The following PALS2 variants were observed in gnomAD, a reference collection of about 807,000 sequenced individuals.
The protein encoded by PALS2 is protein PALS2.
PALS2 carries 27 observed loss-of-function variants against 61.6 expected under a neutral mutation model. The ratio of observed to expected loss-of-function variants is 0.44; its 90% CI spans 0.32 to 0.60. The LOEUF (loss-of-function observed/expected upper bound fraction) is 0.60. Among genes scored for constraint, PALS2 ranks in the 20% least tolerant of loss-of-function variants. PALS2 has a pLI of 0.05. For missense variants in PALS2, 554 were observed against 639.4 expected (o/e 0.87, Z 1.44); for synonymous variants, 236 against 218.6 (o/e 1.08, Z -0.70).
intron 1 of PALS2, among the ~76,000 whole-genome samples, chr7:24,610,196 C>G (rs1394285332): frequency 6.6e-6 from 1 of 152,064 alleles, no homozygotes; most frequent in Non-Finnish European, 1.5e-5. Context: ...ATACCATTGT[C>G]ATTCCCCCAT....
chr7:24,582,470 GA>G (rs902711377), intron 1 of PALS2, among the ~76,000 whole-genome samples: 3 of 152,032 alleles, frequency 2.0e-5, no homozygotes, highest in Non-Finnish European at 4.4e-5. Flanking sequence ...ATAATCTATA[GA>G]ATATTACTAT....
intron 9 of PALS2, among the ~76,000 whole-genome samples, chr7:24,671,917 A>G (rs1787316968): frequency 6.6e-6 from 1 of 151,894 alleles, no homozygotes; most frequent in African/African-American, 2.4e-5. Context: ...TCCTTATGCC[A>G]GTCCCACATT....
chr7:24,582,935 A>C (rs1453355261), intron 1 of PALS2, among the ~76,000 whole-genome samples: 1 of 114,668 alleles, frequency 8.7e-6, no homozygotes, highest in Middle Eastern at 8.9e-3. Context: ...TCTGTCACCC[A>C]GGCTGCTAGA....
chr7:24,681,292 G>T (rs976784010), intron 11 of PALS2, among the ~76,000 whole-genome samples: 1 of 151,982 alleles, frequency 6.6e-6, no homozygotes, highest in Non-Finnish European at 1.5e-5. Flanking sequence ...TCCCTATGCC[G>T]ATCGCCTAGC....
At chr7:24,576,350 G>A (rs1359074531) in intron 1 of PALS2, among the ~76,000 whole-genome samples, 3 of 152,084 alleles carry the variant, frequency 2.0e-5, no homozygotes, top group Non-Finnish European at 4.4e-5. Context: ...TGACCACTGG[G>A]GGGAGACTTT....
intron 1 of PALS2, among the ~76,000 whole-genome samples, chr7:24,621,168 T>C (rs1784495295): frequency 6.6e-6 from 1 of 152,106 alleles, no homozygotes; most frequent in Non-Finnish European, 1.5e-5. Context: ...TCTTTCTTCA[T>C]GTTAATCCAA....
intron 1 of PALS2, among the ~76,000 whole-genome samples, chr7:24,591,569 T>G (rs1294164595): frequency 6.6e-6 from 1 of 152,138 alleles, no homozygotes; most frequent in Non-Finnish European, 1.5e-5. Context: ...AACCCACTAA[T>G]TTTGTGTTAG....
intron 2 of PALS2, among the ~76,000 whole-genome samples, chr7:24,629,361 G>A (rs189788488): frequency 5.9e-5 from 9 of 152,224 alleles, no homozygotes; most frequent in East Asian, 5.8e-4. Flanking sequence ...AGACTTAAAC[G>A]TAAGACCTAA....
chr7:24,680,099 A>G (rs558255445), intron 10 of PALS2, among the ~76,000 whole-genome samples: 12 of 152,174 alleles, frequency 7.9e-5, no homozygotes, highest in Non-Finnish European at 1.6e-4. Flanking sequence ...CTTTTTGAGT[A>G]TTAACAGAAT....
chr7:24,672,277 G>C (rs1336155909), intron 9 of PALS2, among the ~76,000 whole-genome samples: 3 of 151,714 alleles, frequency 2.0e-5, no homozygotes, highest in African/African-American at 4.8e-5. Flanking sequence ...GCCCAGGCTG[G>C]AGTGCAATGG....
intron 1 of PALS2, among the ~76,000 whole-genome samples, chr7:24,593,276 C>T (rs1384925260): frequency 6.6e-6 from 1 of 152,000 alleles, no homozygotes; most frequent in African/African-American, 2.4e-5. Flanking sequence ...ATTCTCATTC[C>T]CTTACTTTTT....
chr7:24,673,778 C>T (rs1392910594), intron 9 of PALS2, among the ~76,000 whole-genome samples: 2 of 151,824 alleles, frequency 1.3e-5, no homozygotes, highest in African/African-American at 4.8e-5. Flanking sequence ...TTTCTACTTT[C>T]TAATTTTTGC....
At chr7:24,662,768 GA>G (rs59367702) in intron 5 of PALS2, among the ~76,000 whole-genome samples, 100 of 102,584 alleles carry the variant, frequency 9.7e-4, no homozygotes, top group Middle Eastern at 5.8e-3. Flanking sequence ...GACTCCATCT[GA>G]AAAAAAAAAA....
At chr7:24,631,224 G>C (rs111951833) in intron 2 of PALS2, among the ~76,000 whole-genome samples, 5 of 152,316 alleles carry the variant, frequency 3.3e-5, no homozygotes, top group African/African-American at 1.2e-4. Flanking sequence ...GAGAAGTTGA[G>C]TCCAGCTCTC....
At chr7:24,639,632 A>C (rs1785413697) in intron 2 of PALS2, among the ~76,000 whole-genome samples, 1 of 151,748 alleles carries the variant, frequency 6.6e-6, no homozygotes, top group African/African-American at 2.4e-5. Flanking sequence ...TGGCAATTCT[A>C]GCTTATTTCA....
intron 1 of PALS2, among the ~76,000 whole-genome samples, chr7:24,616,391 A>G (rs1447179588): frequency 2.6e-5 from 4 of 152,194 alleles, no homozygotes; most frequent in Admixed American, 6.5e-5. Flanking sequence ...TAGTATTTCT[A>G]TATACAAACA....
At chr7:24,579,738 T>A (rs1287424138) in intron 1 of PALS2, among the ~76,000 whole-genome samples, 2 of 152,200 alleles carry the variant, frequency 1.3e-5, no homozygotes, top group Non-Finnish European at 2.9e-5. Context: ...AGTTCATAAT[T>A]CTTATGTTTT....
At chr7:24,676,247 T>G (rs1207676558) in intron 9 of PALS2, among the ~76,000 whole-genome samples, 7 of 152,182 alleles carry the variant, frequency 4.6e-5, no homozygotes, top group South Asian at 4.2e-4. Flanking sequence ...GTAAATTTGT[T>G]TGAGTTCATT....
At chr7:24,577,461 C>T (rs1363469114) in intron 1 of PALS2, among the ~76,000 whole-genome samples, 1 of 152,062 alleles carries the variant, frequency 6.6e-6, no homozygotes, top group Non-Finnish European at 1.5e-5. Flanking sequence ...TTTCATAAAG[C>T]TCAAGTTATT....
Sources: gnomAD v4.1 joint callset for allele counts (sites outside exome capture counted in the v4.1 genomes callset) on GRCh38, gnomAD v4.1.1 for gene constraint, MANE v1.5 for transcripts, NCBI Gene and HGNC (gene_info 2026-07-23, HGNC 2026-07-21) for gene names.